SEMA6D: variants seen among roughly 807,000 people sequenced by gnomAD.
SEMA6D encodes semaphorin-6D.
Under a neutral mutation model 106.6 loss-of-function variants are expected in SEMA6D, and 35 were observed. The observed-to-expected ratio is 0.33, with a 90% CI of 0.25 to 0.44. The LOEUF (loss-of-function observed/expected upper bound fraction) is 0.44. SEMA6D is among the 20% of genes least tolerant of loss of function. The pLI is 1.00. For missense variants in SEMA6D, 1,185 were observed against 1,345.9 expected (o/e 0.88, Z 1.87); for synonymous variants, 499 against 487.7 (o/e 1.02, Z -0.31).
intron 1 of SEMA6D, among the ~76,000 whole-genome samples, chr15:47,240,598 A>G (rs1018671901): frequency 2.0e-5 from 3 of 152,126 alleles, no homozygotes; most frequent in Admixed American, 2.0e-4. Context: ...GAATTTTTGC[A>G]TCTTGATATC....
intron 1 of SEMA6D, among the ~76,000 whole-genome samples, chr15:47,743,854 G>A (rs2080961650): frequency 6.6e-6 from 1 of 152,150 alleles, no homozygotes; most frequent in South Asian, 2.1e-4. Flanking sequence ...ATAGCTGTAA[G>A]ACCAATGCTG....
intron 1 of SEMA6D, among the ~76,000 whole-genome samples, chr15:47,284,098 G>A (rs533903081): frequency 2.6e-5 from 4 of 151,980 alleles, no homozygotes; most frequent in African/African-American, 9.7e-5. Flanking sequence ...TCTCCCTTAC[G>A]CACAACACAT....
intron 1 of SEMA6D, among the ~76,000 whole-genome samples, chr15:47,228,434 A>G (rs1028160472): frequency 6.6e-6 from 1 of 151,156 alleles, no homozygotes; most frequent in Admixed American, 6.7e-5. Flanking sequence ...AAGATGTTAA[A>G]TGATAGCTCT....
At chr15:47,688,788 G>A (rs970707723) in intron 4 of SEMA6D, among the ~76,000 whole-genome samples, 4 of 152,122 alleles carry the variant, frequency 2.6e-5, no homozygotes, top group Admixed American at 6.5e-5. Flanking sequence ...AGGGATTGAC[G>A]AAATCTTTGG....
At chr15:47,194,063 GTGGATGGA>G (rs201559354) in intron 1 of SEMA6D, among the ~76,000 whole-genome samples, 4,186 of 151,702 alleles carry the variant, frequency 0.028, 98 homozygotes, top group Middle Eastern at 0.1. Flanking sequence ...GAGTGGGTAG[GTGGATGGA>G]TGGATGGGTG....
chr15:47,287,719 A>G lies in SEMA6D; in HGVS notation c.-239+103301A>G, dbSNP rs949425592. 2.0e-5 allele frequency among the ~76,000 whole-genome samples: 3 copies of G among 152,150 alleles called. No homozygotes were observed. The South Asian group carries it at 6.2e-4, about 31-fold the overall frequency. ...CATCTAAGCTTAAAAAATCAGGGGC[A>G]CTTTGACAATTTCCACTTATTCACA... On this transcript the variant is annotated intron_variant, in intron 1 of 19. Transcript: ENST00000558014.
upstream of SEMA6D, among the ~76,000 whole-genome samples, chr15:47,714,886 A>C (rs1053997849): frequency 6.6e-6 from 1 of 152,230 alleles, no homozygotes; most frequent in Non-Finnish European, 1.5e-5. Context: ...CGTCCATTAA[A>C]TGCCAGGCAC....
At chr15:47,593,405 C>CAAA (rs35561269) in intron 3 of SEMA6D, among the ~76,000 whole-genome samples, 2 of 59,930 alleles carry the variant, frequency 3.3e-5, no homozygotes, top group African/African-American at 1.3e-4. Flanking sequence ...AACTCCGTCT[C>CAAA]AAAAAAAAAA....
chr15:47,431,453 C>T (rs564735957), intron 2 of SEMA6D, among the ~76,000 whole-genome samples: 9 of 152,058 alleles, frequency 5.9e-5, no homozygotes, highest in African/African-American at 1.9e-4. Flanking sequence ...TCTGTATCCT[C>T]ATTATGAACA....
chr15:47,197,509 T>A (rs140335137), intron 1 of SEMA6D, among the ~76,000 whole-genome samples: 79 of 152,170 alleles, frequency 5.2e-4, no homozygotes, highest in African/African-American at 1.7e-3. Flanking sequence ...AGTGTCTTTT[T>A]TTTTTTTTGT....
At chr15:47,612,640 G>C (rs906498135) in intron 4 of SEMA6D, among the ~76,000 whole-genome samples, 1 of 152,138 alleles carries the variant, frequency 6.6e-6, no homozygotes, top group African/African-American at 2.4e-5. Context: ...TTGTATCTGG[G>C]CTTAGAAAAT....
intron 3 of SEMA6D, among the ~76,000 whole-genome samples, chr15:47,588,446 T>C (rs1486468726): frequency 6.6e-6 from 1 of 152,160 alleles, no homozygotes; most frequent in African/African-American, 2.4e-5. Context: ...CCACAGGAGC[T>C]GCCCGCTCCT....
chr15:47,252,516 C>G (rs1379417451), intron 1 of SEMA6D, among the ~76,000 whole-genome samples: 3 of 152,136 alleles, frequency 2.0e-5, no homozygotes, highest in African/African-American at 7.2e-5. Context: ...CTAACTGTTA[C>G]TTTGTACCCA....
At chr15:47,575,389 G>T (rs1315121998) in intron 3 of SEMA6D, among the ~76,000 whole-genome samples, 8 of 152,166 alleles carry the variant, frequency 5.3e-5, no homozygotes, top group Non-Finnish European at 8.8e-5. Context: ...TAGGGTGAGG[G>T]CACAATGGTG....
At chr15:47,391,217 G>A (rs565029299) in intron 1 of SEMA6D, among the ~76,000 whole-genome samples, 1 of 152,216 alleles carries the variant, frequency 6.6e-6, no homozygotes, top group South Asian at 2.1e-4. Context: ...CCTTTCCTCT[G>A]CTCTCTGAGC....
intron 2 of SEMA6D, among the ~76,000 whole-genome samples, chr15:47,426,365 G>A (rs892549503): frequency 2.6e-5 from 4 of 152,090 alleles, no homozygotes; most frequent in East Asian, 3.9e-4. Context: ...ATGGGTCCTC[G>A]TTTTATCACA....
chr15:47,277,506 A>G (rs1003733530), intron 1 of SEMA6D, among the ~76,000 whole-genome samples: 2 of 151,954 alleles, frequency 1.3e-5, no homozygotes, highest in African/African-American at 4.8e-5. Flanking sequence ...GCCAGCAGAA[A>G]GACTGTGACT....
intron 4 of SEMA6D, among the ~76,000 whole-genome samples, chr15:47,709,946 T>C (rs1052392825): frequency 6.7e-6 from 1 of 150,140 alleles, no homozygotes; most frequent in African/African-American, 2.4e-5. Context: ...ACCAAGATCA[T>C]ATTTAAGGAG....
At chr15:47,478,363 A>C (rs1051974776) in intron 3 of SEMA6D, among the ~76,000 whole-genome samples, 1 of 152,212 alleles carries the variant, frequency 6.6e-6, no homozygotes, top group Non-Finnish European at 1.5e-5. Context: ...CACTAATGGC[A>C]TGTAATTAAA....
Sources: allele counts gnomAD v4.1 joint callset (sites outside exome capture counted in the v4.1 genomes callset), GRCh38; gene constraint gnomAD v4.1.1; transcripts MANE v1.5; gene names NCBI Gene and HGNC (gene_info 2026-07-23, HGNC 2026-07-21).